Variants in CDS2 observed in about 807,000 individuals in gnomAD.
CDS2 encodes phosphatidate cytidylyltransferase 2.
A neutral mutation model predicts 59.0 loss-of-function variants in CDS2; 47 were observed. That is an observed-to-expected ratio of 0.80 (90% CI 0.63 to 1.02). The LOEUF (loss-of-function observed/expected upper bound fraction) is 1.02, where lower values mean the gene tolerates loss of function less well. Ranked by LOEUF, CDS2 falls within the 50% of genes least tolerant of loss-of-function variation. The probability of loss-of-function intolerance (pLI) is 0.00; values close to 1 mark genes in which losing one functional copy is unlikely to be tolerated. For missense variants in CDS2, 356 were observed against 558.9 expected, an observed-to-expected ratio of 0.64 and a Z score of 3.66; for synonymous variants, 207 against 206.4, an observed-to-expected ratio of 1.00 and a Z score of -0.02.
Position 5,173,550 on chromosome 20 carries a change from G to T in CDS2, c.85G>T (p.Gly29Ter). The T allele has an allele frequency of 6.2e-7, 1 of 1,614,226 alleles. No homozygotes were observed. Among genetic ancestry groups the T allele is most frequent in the Non-Finnish European group, 8.5e-7 (1 of 1,180,026 alleles). ...KESESEAKVD[G>*]ETASDSESRA... ...GTCAGAGTCAGAAGCAAAGGTAGAT[G>T]GAGAGACTGCATCGGACAGTGAGAG... The change falls in exon 2 of 13, where the codon GGA (glycine) becomes TGA (stop). Residue 29 changes from glycine (G) to a stop codon, truncating the protein, a stop_gained. Transcript: ENST00000460006. LOFTEE classifies it high-confidence loss of function.
In CDS2 at chr20:5,169,559, C is replaced by T. The variant is rs137953407; in HGVS notation, c.58-3964C>T. Among the ~76,000 whole-genome samples the T allele has an allele frequency of 3.2e-3, 483 of 152,342 alleles. 2 individuals are homozygous for T. Among genetic ancestry groups the T allele is most frequent in the African/African-American group, 0.011 (453 of 41,560 alleles). On this transcript the variant is annotated intron_variant, in intron 1 of 12. Transcript: ENST00000460006. ...TCAGTGCAGTGGTGAACAGGTAACTCCTGGCCTCTGACACACTGCCGTGTC... is the reference window on the plus strand; with the variant it reads ...TCAGTGCAGTGGTGAACAGGTAACTTCTGGCCTCTGACACACTGCCGTGTC...
At chr20:5,132,694 G>GCT (rs1568525937) in intron 1 of CDS2, among the ~76,000 whole-genome samples, 3 of 151,990 alleles carry the variant, frequency 2.0e-5, no homozygotes, top group African/African-American at 7.3e-5. Flanking sequence ...GGGAGAGGAG[G>GCT]TGAAAGATTA....
At position 5,178,802 on chromosome 20, in the gene CDS2, T is replaced by C. The variant is rs746809568; in HGVS notation, c.390-15T>C. ...AAGGGTGCTCCCCACGGCAATGACC[T>C]GTCTTCATTTACAGGTACTTTCTCC... On this transcript the variant is annotated splice_polypyrimidine_tract_variant and intron_variant, in intron 4 of 12. Transcript: ENST00000460006. 10 of 1,614,116 alleles carry C rather than the reference T, an allele frequency of 6.2e-6. No individual in the cohort carries two copies. In the East Asian group the frequency reaches 2.2e-4, roughly 36 times the overall value.
intron 12 of CDS2, 32 bp from the exon 13 acceptor site, chr20:5,190,070 G>C (rs1266235544): frequency 1.9e-6 from 3 of 1,610,892 alleles, no homozygotes; most frequent in Non-Finnish European, 2.5e-6. Context: ...CCGGGCCCTA[G>C]CTCAGTGCTG....
chr20:5,167,274 A>G (rs569372299), intron 1 of CDS2, among the ~76,000 whole-genome samples: 2 of 152,198 alleles, frequency 1.3e-5, no homozygotes, highest in African/African-American at 4.8e-5. Context: ...CCTGTTAGAG[A>G]TGCCGGAAGT....
intron 1 of CDS2, among the ~76,000 whole-genome samples, chr20:5,164,909 T>G (rs80186272): frequency 0.026 from 3,945 of 152,264 alleles, 74 homozygotes; most frequent in East Asian, 0.08. Context: ...GTGATGGAGG[T>G]TGGTACTTCC....
chr20:5,132,628 ATAATTTAGGAATTAAAAAAAT>A (rs1254563180), intron 1 of CDS2, among the ~76,000 whole-genome samples: 2 of 152,184 alleles, frequency 1.3e-5, no homozygotes, highest in Non-Finnish European at 2.9e-5. Flanking sequence ...ATGTTGAGAA[ATAATTTAGGAATTAAAAAAAT>A]CAGTAAACCT....
Position 5,186,713 on chromosome 20 carries a change from A to T in CDS2, c.855A>T (p.Arg285Ser). 1.2e-6 allele frequency: 2 copies of T among 1,614,044 alleles called. No individual in the cohort carries two copies. Among genetic ancestry groups the T allele is most frequent in the Non-Finnish European group, 1.7e-6 (2 of 1,179,990 alleles). The change falls in exon 10 of 13, where the codon AGA becomes AGT. Residue 285 changes from arginine to serine, a missense_variant. By Grantham distance (110) the Arg-to-Ser change is moderately radical (BLOSUM62 -1). Transcript: ENST00000460006. Reference sequence around the variant, plus strand: ...TGTCCTATGTGATGTCCGGGTACAGATGCTTTGTCTGCCCTGTGGAGTACA... The same window carrying T: ...TGTCCTATGTGATGTCCGGGTACAGTTGCTTTGTCTGCCCTGTGGAGTACA... The part of the protein sequence containing the change: ...LLLSYVMSGY[R>S]CFVCPVEYNN...
chr20:5,137,204 A>G (rs1041085248), intron 1 of CDS2, among the ~76,000 whole-genome samples: 1 of 145,044 alleles, frequency 6.9e-6, no homozygotes, highest in Admixed American at 6.9e-5. Context: ...GCTCTTTCCT[A>G]CCTCTGAAAT....
At chr20:5,164,281 A>G (rs2090897777) in intron 1 of CDS2, among the ~76,000 whole-genome samples, 1 of 152,178 alleles carries the variant, frequency 6.6e-6, no homozygotes, top group East Asian at 1.9e-4. Context: ...CCAATATGGT[A>G]AACAGCCCCA....
At chr20:5,155,882 AG>A (rs1046525917) in intron 1 of CDS2, among the ~76,000 whole-genome samples, 2 of 152,076 alleles carry the variant, frequency 1.3e-5, no homozygotes, top group African/African-American at 4.8e-5. Context: ...CTGAGAGTAA[AG>A]GGGGAGATGA....
chr20:5,165,002 G>C (rs1489643943), intron 1 of CDS2, among the ~76,000 whole-genome samples: 1 of 152,204 alleles, frequency 6.6e-6, no homozygotes, highest in Non-Finnish European at 1.5e-5. Context: ...CAATGGGCAA[G>C]GTGGGAGAGA....
intron 1 of CDS2, among the ~76,000 whole-genome samples, chr20:5,138,106 A>G (rs2090663147): frequency 7.3e-6 from 1 of 137,846 alleles, no homozygotes. Flanking sequence ...CACATTTATC[A>G]TTTCTTTAAA....
chr20:5,137,939 C>T (rs1299754447), intron 1 of CDS2, among the ~76,000 whole-genome samples: 3 of 151,498 alleles, frequency 2.0e-5, no homozygotes, highest in African/African-American at 7.3e-5. Context: ...GCTGGGACTA[C>T]AGGCACCCGC....
chr20:5,187,049 A>G lies in CDS2; in HGVS notation c.981+210A>G, dbSNP rs1600517225. On this transcript the variant is annotated intron_variant, in intron 10 of 12. Transcript: ENST00000460006. Reference sequence around the variant, plus strand: ...GATTGTTTAGACCAGTGGTTTTCAAAGTGTGTTCTGTGGATCCCTGGAGGG... The same window carrying G: ...GATTGTTTAGACCAGTGGTTTTCAAGGTGTGTTCTGTGGATCCCTGGAGGG... The G allele has an allele frequency of 3.1e-5, 8 of 260,674 alleles. No individual in the cohort carries two copies. In the East Asian group the frequency reaches 3.9e-4, roughly 13 times the overall value. The allele number at this position is 260,674 out of a possible 1,614,324, so 16.1% of individuals were successfully genotyped here. A position where few individuals can be genotyped will look rare whatever the true frequency, so the allele number is the denominator to read the frequency against.
At chr20:5,135,127 A>G (rs2090638461) in intron 1 of CDS2, among the ~76,000 whole-genome samples, 1 of 152,104 alleles carries the variant, frequency 6.6e-6, no homozygotes, top group Admixed American at 6.6e-5. Flanking sequence ...TATAATAGAG[A>G]CAGGGTCTTA....
rs113091927 is a variant in CDS2, at chr20:5,184,067, C to G, written c.672-791C>G. ...ATCCTAGCTATTCCGGAGGCTGAGG[C>G]AGGAGAATCACTTAACCTGGGGGTG... On this transcript the variant is annotated intron_variant, in intron 7 of 12. Coordinates refer to ENST00000460006, the MANE Select transcript of CDS2 (RefSeq NM_003818.4). This position sits in a 1 kb window ranked among gnomAD's most constrained non-coding sequence, Gnocchi z 4.3. Among the ~76,000 whole-genome samples the G allele has an allele frequency of 7.2e-5, 11 of 152,242 alleles. No homozygotes were observed. The highest frequency in any genetic ancestry group is 2.6e-4 in the African/African-American group (11 of 41,536).
chr20:5,193,724 C>T lies in CDS2; in HGVS notation c.*3490C>T, dbSNP rs1343076813. 1 of 152,166 alleles carries T rather than the reference C, an allele frequency of 6.6e-6. No individual in the cohort carries two copies. Among genetic ancestry groups the T allele is most frequent in the East Asian group, 1.9e-4 (1 of 5,196 alleles). The allele number at this position is 152,166 out of a possible 1,614,324, so 9.4% of individuals were successfully genotyped here. ...TATAAGTGACTTGAGACAGAGTGTC[C>T]TTGCTCAGAAAACTGTGAAGCAGGG... On this transcript the variant is annotated 3_prime_UTR_variant, in exon 13 of 13. Coordinates refer to ENST00000460006, the MANE Select transcript of CDS2 (RefSeq NM_003818.4).
chr20:5,177,356 C>T (rs1189005483), intron 4 of CDS2, among the ~76,000 whole-genome samples: 1 of 151,996 alleles, frequency 6.6e-6, no homozygotes, highest in East Asian at 1.9e-4. Flanking sequence ...TGTTTGAGCC[C>T]TACTTCATCA....
Sources: gnomAD v4.1 joint callset for allele counts (sites outside exome capture counted in the v4.1 genomes callset) on GRCh38, gnomAD v4.1.1 for gene constraint, Gnocchi (gnomAD v3.1) non-coding constraint, MANE v1.5 for transcripts, NCBI Gene and HGNC (gene_info 2026-07-23, HGNC 2026-07-21) for gene names.